Variants in INO80 observed in about 807,000 individuals in gnomAD.
The protein encoded by INO80 is chromatin-remodeling ATPase INO80.
In INO80, 20 loss-of-function variants were observed where a neutral mutation model predicts 203.4. The observed-to-expected ratio is 0.10, with a 90% CI of 0.07 to 0.14. The LOEUF is 0.14. Ranked by LOEUF, INO80 falls within the 10% of genes least tolerant of loss-of-function variation. INO80 has a pLI of 1.00. For synonymous variants in INO80, 726 were observed against 685.2 expected, an observed-to-expected ratio of 1.06 and a Z score of -0.93; for missense variants, 1,419 against 1,914.4, an observed-to-expected ratio of 0.74 and a Z score of 4.83.
chr15:41,058,256 T>C (rs903291627), intron 16 of INO80, among the ~76,000 whole-genome samples: 14 of 152,046 alleles, frequency 9.2e-5, no homozygotes, highest in Admixed American at 6.6e-4. Flanking sequence ...TTGAGAAAAG[T>C]CTTGGTATTC....
chr15:40,983,127 C>T lies in INO80; in HGVS notation c.4238-50G>A, dbSNP rs191665189. 217 of 1,426,538 alleles carry T rather than the reference C, an allele frequency of 1.5e-4. 1 individual carries two copies. The East Asian group carries it at 4.1e-3, about 27-fold the overall frequency. The allele number at this position is 1,426,538 out of a possible 1,614,324, so 88.4% of individuals were successfully genotyped here. The stretch of plus-strand genomic sequence containing the variant: ...GGAAAGAAAAAAAAAAAAAGTCAAT[C>T]TCCAAGATGTTAACATCACCTTCTC... On this transcript the variant is annotated intron_variant, in intron 34 of 35. Coordinates refer to ENST00000648947, the MANE Select transcript of INO80 (RefSeq NM_017553.3).
chr15:41,055,466 G>A (rs1020131592), intron 17 of INO80, 102 bp from the exon 18 acceptor site: 13 of 538,700 alleles, frequency 2.4e-5, no homozygotes, highest in Admixed American at 6.2e-5. Flanking sequence ...GTGTGTAAGT[G>A]CCTAGATGCA....
At chr15:41,007,846 T>C (rs1349830830) in intron 27 of INO80, among the ~76,000 whole-genome samples, 1 of 151,206 alleles carries the variant, frequency 6.6e-6, no homozygotes, top group African/African-American at 2.4e-5. Context: ...CCTCACACTA[T>C]AGGAAAACAC....
rs186766352 is a variant in INO80 at position 41,053,287 on chromosome 15, A to G, written c.2274+642T>C. On this transcript the variant is annotated intron_variant, in intron 19 of 35. Coordinates refer to ENST00000648947, the MANE Select transcript of INO80 (RefSeq NM_017553.3). ...TGCCTGGCTAATTTTTTGTATTTTT[A>G]GTAGAGACGGGGTTTCACTGTGTTA... 5.3e-3 allele frequency among the ~76,000 whole-genome samples: 801 copies of G among 152,172 alleles called. 3 individuals carry two copies. Among genetic ancestry groups the G allele is most frequent in the Middle Eastern group, 0.014 (4 of 294 alleles).
intron 24 of INO80, among the ~76,000 whole-genome samples, chr15:41,028,337 T>C (rs2044408633): frequency 6.6e-6 from 1 of 152,140 alleles, no homozygotes; most frequent in South Asian, 2.1e-4. Flanking sequence ...GGTTTCACCA[T>C]GTTGGCCAGG....
chr15:41,004,815 G>C (rs2044013899), intron 28 of INO80: 1 of 152,174 alleles, frequency 6.6e-6, no homozygotes, highest in Non-Finnish European at 1.5e-5. Flanking sequence ...ATGTTAAAAG[G>C]AAAGCAGGAA....
intron 17 of INO80, among the ~76,000 whole-genome samples, chr15:41,056,131 C>T (rs1033418139): frequency 2.6e-5 from 4 of 151,330 alleles, no homozygotes; most frequent in East Asian, 3.9e-4. Context: ...TTTTTTGTAG[C>T]GTCCGGGTTT....
chr15:41,037,198 A>AC (rs951586704), intron 24 of INO80, among the ~76,000 whole-genome samples: 3 of 151,374 alleles, frequency 2.0e-5, no homozygotes, highest in Non-Finnish European at 4.4e-5. Flanking sequence ...ACTTAATAGG[A>AC]CTTTTTTTTT....
At chr15:40,995,642 G>A (rs577545118) in intron 29 of INO80, among the ~76,000 whole-genome samples, 1 of 152,304 alleles carries the variant, frequency 6.6e-6, no homozygotes, top group South Asian at 2.1e-4. Flanking sequence ...ATGAAGCCGG[G>A]AACTGAGAGT....
At chr15:41,002,547 C>T (rs986207930) in intron 28 of INO80, among the ~76,000 whole-genome samples, 10 of 152,096 alleles carry the variant, frequency 6.6e-5, no homozygotes, top group Non-Finnish European at 1.0e-4. Flanking sequence ...CTCAGAAGCC[C>T]AAATCACTAG....
chr15:41,092,382 C>T (rs555010334), intron 4 of INO80, among the ~76,000 whole-genome samples, 200 bp from the exon 5 acceptor site: 6 of 152,138 alleles, frequency 3.9e-5, no homozygotes, highest in African/African-American at 1.4e-4. Flanking sequence ...AACTAAAATG[C>T]AATAAAACAT....
At chr15:40,992,855 C>A (rs2043833817) in intron 29 of INO80, among the ~76,000 whole-genome samples, 1 of 152,172 alleles carries the variant, frequency 6.6e-6, no homozygotes, top group African/African-American at 2.4e-5. Flanking sequence ...TGCAGCGGCA[C>A]AATCACAGCT....
intron 24 of INO80, among the ~76,000 whole-genome samples, chr15:41,033,456 CCTT>C (rs758272315): frequency 1.3e-5 from 2 of 151,778 alleles, no homozygotes; most frequent in African/African-American, 2.4e-5. Flanking sequence ...ACCTCAGCCT[CCTT>C]GAGTAGAGAG....
intron 22 of INO80, 137 bp from the exon 23 acceptor site, chr15:41,047,638 A>C: frequency 1.6e-6 from 1 of 610,698 alleles, no homozygotes. Context: ...CTTTGGTGCA[A>C]GTTAGGGTGC....
chr15:41,049,403 C>T lies in INO80; in HGVS notation c.2460G>A (p.Glu820=), dbSNP rs2044825841. 2.5e-6 allele frequency: 4 copies of T among 1,613,878 alleles called. No homozygotes were observed. Among genetic ancestry groups the T allele is most frequent in the Non-Finnish European group, 3.4e-6 (4 of 1,179,932 alleles). Residue 820 remains glutamate (E), a synonymous_variant, in exon 21 of 36, where the codon GAG becomes GAA. Coordinates refer to ENST00000648947, the MANE Select transcript of INO80 (RefSeq NM_017553.3). ...ACCAAGTTTCTTGCCGTTCAAATAA[C>T]TCCGGGTGATTACACACCTAAAAGG... ...MQFRKVCNHP[E]LFERQETWSP...
chr15:41,018,273 T>C (rs2044240143), intron 26 of INO80: 2 of 152,348 alleles, frequency 1.3e-5, no homozygotes, highest in Non-Finnish European at 2.9e-5. Flanking sequence ...ATTTGTTTTA[T>C]GTCTGAATTT....
intron 7 of INO80, among the ~76,000 whole-genome samples, chr15:41,082,537 C>T (rs2045501208): frequency 6.6e-6 from 1 of 152,012 alleles, no homozygotes; most frequent in Non-Finnish European, 1.5e-5. Context: ...CCCGTCTCTA[C>T]TAAAAATACA....
intron 31 of INO80, among the ~76,000 whole-genome samples, chr15:40,986,165 T>C (rs1051263594): frequency 2.0e-5 from 3 of 152,148 alleles, no homozygotes; most frequent in African/African-American, 7.2e-5. Flanking sequence ...AGCTGCGTGC[T>C]TCTCCAACTT....
In INO80 at chr15:41,095,639, T is replaced by C. The variant is rs1181074451; in HGVS notation, c.343A>G (p.Asn115Asp). The C allele has an allele frequency of 6.2e-7, 1 of 1,611,742 alleles. No homozygotes were observed. Among genetic ancestry groups the C allele is most frequent in the East Asian group, 2.2e-5 (1 of 44,864 alleles). The change falls in exon 4 of 36, where the codon AAT (asparagine) becomes GAT (aspartate). Residue 115 changes from asparagine (N) to aspartate (D), a missense_variant. Physicochemically the swap from Asn to Asp is conservative, Grantham distance 23. Coordinates refer to ENST00000648947, the MANE Select transcript of INO80 (RefSeq NM_017553.3). ...ESKCDKGNLY[N>D]FSKLKKSRKW... Reference sequence around the variant, plus strand: ...CTGCTTTTCTTCAGCTTAGAGAAATTATATAAATTCCCCTTATCACATTTT... The same window carrying C: ...CTGCTTTTCTTCAGCTTAGAGAAATCATATAAATTCCCCTTATCACATTTT...
Sources: gnomAD v4.1 joint callset for allele counts (sites outside exome capture counted in the v4.1 genomes callset) on GRCh38, gnomAD v4.1.1 for gene constraint, MANE v1.5 for transcripts, NCBI Gene and HGNC (gene_info 2026-07-23, HGNC 2026-07-21) for gene names.